Variants in CALN1 observed in about 807,000 individuals in gnomAD.
The protein encoded by CALN1 is calneuron 1.
In CALN1, 17 loss-of-function variants were observed where a neutral mutation model predicts 30.6. That is an observed-to-expected ratio of 0.56 (90% CI 0.38 to 0.83). The LOEUF (loss-of-function observed/expected upper bound fraction) is 0.83, where lower values mean the gene tolerates loss of function less well. Ranked by LOEUF, CALN1 falls within the 40% of genes least tolerant of loss-of-function variation. The pLI is 0.00. For missense variants in CALN1, 291 were observed against 354.9 expected, an observed-to-expected ratio of 0.82 and a Z score of 1.45; for synonymous variants, 156 against 131.4, an observed-to-expected ratio of 1.19 and a Z score of -1.28.
intron 3 of CALN1, among the ~76,000 whole-genome samples, chr7:72,144,248 A>T (rs1041834030): frequency 3.3e-5 from 5 of 152,232 alleles, no homozygotes; most frequent in African/African-American, 1.2e-4. Flanking sequence ...GTGCAGAGAC[A>T]CACATAGGCT....
intron 5 of CALN1, among the ~76,000 whole-genome samples, chr7:71,953,107 C>T (rs1796778185): frequency 6.6e-6 from 1 of 152,082 alleles, no homozygotes; most frequent in Non-Finnish European, 1.5e-5. Context: ...CAGGCACGCA[C>T]CACTACACCC....
At chr7:72,349,275 C>T (rs971798525) in intron 2 of CALN1, among the ~76,000 whole-genome samples, 3 of 141,654 alleles carry the variant, frequency 2.1e-5, no homozygotes, top group African/African-American at 5.4e-5. Context: ...ACTGTAAACA[C>T]GCGTGCTTGT....
intron 5 of CALN1, among the ~76,000 whole-genome samples, chr7:71,942,970 TC>T (rs1048188148): frequency 5.3e-5 from 8 of 152,132 alleles, no homozygotes; most frequent in African/African-American, 1.9e-4. Context: ...GGAAGTCCCT[TC>T]CCCCGTTCCA....
intron 2 of CALN1, chr7:72,337,173 C>T (rs185578943): frequency 1.0e-6 from 1 of 985,224 alleles, no homozygotes; most frequent in Non-Finnish European, 1.2e-6. Context: ...CATGCAGCTC[C>T]GGCCTCCTCC....
chr7:71,863,473 G>A (rs1211550934), intron 5 of CALN1, among the ~76,000 whole-genome samples: 2 of 141,596 alleles, frequency 1.4e-5, no homozygotes, highest in Non-Finnish European at 3.0e-5. Context: ...CAGGAGAATT[G>A]CTTGAACCTG....
chr7:72,093,031 G>T (rs1805980406), intron 4 of CALN1, among the ~76,000 whole-genome samples: 1 of 152,082 alleles, frequency 6.6e-6, no homozygotes, highest in Non-Finnish European at 1.5e-5. Context: ...TATTGCTGCA[G>T]CATAACTTAG....
intron 4 of CALN1, among the ~76,000 whole-genome samples, chr7:72,062,856 C>T (rs1803762302): frequency 6.6e-6 from 1 of 152,096 alleles, no homozygotes; most frequent in Admixed American, 6.6e-5. Context: ...AATCTTGAGG[C>T]CCAGATGGCT....
upstream of CALN1, among the ~76,000 whole-genome samples, chr7:72,448,722 C>T (rs941370694): frequency 2.6e-5 from 4 of 151,980 alleles, no homozygotes; most frequent in African/African-American, 4.8e-5. Flanking sequence ...TCTCCTGCCT[C>T]GGCCTCCCGA....
At chr7:71,816,624 C>T (rs550727773) in intron 5 of CALN1, among the ~76,000 whole-genome samples, 4 of 152,058 alleles carry the variant, frequency 2.6e-5, no homozygotes, top group African/African-American at 9.6e-5. Context: ...TCAGGAGCAA[C>T]GAGAAGAGAA....
intron 6 of CALN1, among the ~76,000 whole-genome samples, chr7:71,799,696 G>T (rs929361565): frequency 6.6e-6 from 1 of 151,832 alleles, no homozygotes; most frequent in Admixed American, 6.6e-5. Context: ...GGCTGGTCTC[G>T]AACTCCTGAC....
At chr7:72,197,572 T>C (rs1362302354) in intron 3 of CALN1, among the ~76,000 whole-genome samples, 1 of 152,118 alleles carries the variant, frequency 6.6e-6, no homozygotes, top group East Asian at 1.9e-4. Flanking sequence ...GGCTCATGCC[T>C]GTAATTGAGC....
chr7:72,490,431 A>G, the CALN1 span, among the ~76,000 whole-genome samples: 1 of 152,152 alleles, frequency 6.6e-6, no homozygotes, highest in East Asian at 1.9e-4. Flanking sequence ...CCATTTACCC[A>G]CTGTGCTGCC....
In CALN1 at chr7:72,315,185, AAAAGTAATACT is replaced by A. The variant is rs1469728736; in HGVS notation, c.120-36386_120-36376del. On this transcript the variant is annotated intron_variant, in intron 2 of 6. Transcript: ENST00000395275. ...ATTTTTAATAATAAACACAAAGTTA[AAAAGTAATACT>A]AAAGAAATAAAGGGATAAAGAGCAA... is the stretch of plus-strand genomic sequence containing the variant. Among the ~76,000 whole-genome samples, 45 of 152,186 alleles carry A rather than the reference AAAAGTAATACT, an allele frequency of 3.0e-4. No individual in the cohort carries two copies. In the East Asian group the frequency reaches 5.8e-3, roughly 20 times the overall value.
chr7:71,849,127 T>G (rs995825435), intron 5 of CALN1, among the ~76,000 whole-genome samples: 2 of 152,186 alleles, frequency 1.3e-5, no homozygotes, highest in Admixed American at 6.5e-5. Flanking sequence ...ATCTAACCAT[T>G]TTAGAATTCT....
At chr7:71,863,629 C>T (rs866634581) in intron 5 of CALN1, among the ~76,000 whole-genome samples, 2 of 150,256 alleles carry the variant, frequency 1.3e-5, no homozygotes, top group African/African-American at 4.9e-5. Flanking sequence ...AAGCAACTAG[C>T]TTGATGCCAT....
chr7:72,473,038 C>T, the CALN1 span, among the ~76,000 whole-genome samples: 2 of 152,126 alleles, frequency 1.3e-5, no homozygotes, highest in Non-Finnish European at 2.9e-5. Flanking sequence ...AGGGTCCACA[C>T]TGGCCCCAAC....
intron 5 of CALN1, among the ~76,000 whole-genome samples, chr7:71,977,236 G>C (rs1798143838): frequency 6.6e-6 from 1 of 152,046 alleles, no homozygotes; most frequent in South Asian, 2.1e-4. Context: ...TCTGAAACCA[G>C]CCTCGGCAAC....
chr7:72,134,900 T>C (rs1809398935), intron 3 of CALN1, among the ~76,000 whole-genome samples: 1 of 152,216 alleles, frequency 6.6e-6, no homozygotes, highest in Non-Finnish European at 1.5e-5. Context: ...ACTGTTTTAT[T>C]ATGTAAAGAA....
At chr7:72,072,326 A>C (rs1804454944) in intron 4 of CALN1, among the ~76,000 whole-genome samples, 1 of 152,224 alleles carries the variant, frequency 6.6e-6, no homozygotes, top group South Asian at 2.1e-4. Context: ...TTTCTCACCA[A>C]AAACTTTAGA....
Sources: gnomAD v4.1 joint callset for allele counts (sites outside exome capture counted in the v4.1 genomes callset) on GRCh38, gnomAD v4.1.1 for gene constraint, MANE v1.5 for transcripts, NCBI Gene and HGNC (gene_info 2026-07-23, HGNC 2026-07-21) for gene names.